The following GLDC variants were observed in gnomAD, a reference collection of about 807,000 sequenced individuals.
The protein encoded by GLDC is glycine dehydrogenase (decarboxylating), mitochondrial.
In GLDC, 104 loss-of-function variants were observed where a neutral mutation model predicts 121.3. The observed-to-expected ratio is 0.86, with a 90% CI of 0.73 to 1.01. The LOEUF is 1.01. Among genes scored for constraint, GLDC ranks in the 50% least tolerant of loss-of-function variants. The probability of loss-of-function intolerance (pLI) is 0.00; values close to 1 mark genes in which losing one functional copy is unlikely to be tolerated. For synonymous variants in GLDC, 546 were observed against 480.6 expected (o/e 1.14, Z -1.78); for missense variants, 1,429 against 1,306.6 (o/e 1.09, Z -1.44).
Position 6,565,402 on chromosome 9 carries a change from C to T in GLDC, c.1878G>A (p.Leu626=), listed in dbSNP as rs1360717642. The part of the protein sequence containing the change: ...NSGAQGEYAG[L]ATIRAYLNQK... The stretch of plus-strand genomic sequence containing the variant: ...GGTTTAAGTAGGCTCGGATAGTGGC[C>T]AGTCCAGCATATTCTCCCTGGGCTC... The change falls in exon 16 of 25, where the codon CTG becomes CTA. Residue 626 remains leucine, a synonymous_variant. Coordinates refer to ENST00000321612, the MANE Select transcript of GLDC (RefSeq NM_000170.3). 1.1e-5 allele frequency: 17 copies of T among 1,613,670 alleles called. No homozygotes were observed. Among genetic ancestry groups the T allele is most frequent in the Admixed American group, 3.3e-5 (2 of 59,994 alleles).
At chr9:6,537,664 C>G (rs577667564) in intron 22 of GLDC, among the ~76,000 whole-genome samples, 1 of 152,114 alleles carries the variant, frequency 6.6e-6, no homozygotes, top group South Asian at 2.1e-4. Context: ...GCCTGTAATC[C>G]CAGCTACTTA....
At chr9:6,597,165 G>A (rs1193798362) in intron 8 of GLDC, among the ~76,000 whole-genome samples, 1 of 152,200 alleles carries the variant, frequency 6.6e-6, no homozygotes, top group African/African-American at 2.4e-5. Flanking sequence ...TTCAGAACAG[G>A]CAAATCCAGG....
At chr9:6,551,007 C>T (rs1202533207) in intron 20 of GLDC, 93 bp from the exon 21 acceptor site, 4 of 838,604 alleles carry the variant, frequency 4.8e-6, no homozygotes, top group African/African-American at 1.7e-5. Context: ...TAAACTCCAC[C>T]CACAAAGGAA....
intron 22 of GLDC, among the ~76,000 whole-genome samples, chr9:6,536,692 C>T (rs1044599568): frequency 6.6e-6 from 1 of 152,108 alleles, no homozygotes; most frequent in South Asian, 2.1e-4. Flanking sequence ...TTTTCTTTCA[C>T]TTCGATTGTA....
chr9:6,632,891 G>A (rs1359133230), intron 2 of GLDC, among the ~76,000 whole-genome samples: 2 of 152,084 alleles, frequency 1.3e-5, no homozygotes, highest in Non-Finnish European at 2.9e-5. Context: ...ACTCAAACAG[G>A]CCTTACAAAT....
intron 10 of GLDC, 81 bp downstream of exon 10, chr9:6,592,770 T>G (rs958449293): frequency 1.4e-6 from 2 of 1,384,834 alleles, no homozygotes; most frequent in African/African-American, 2.9e-5. Flanking sequence ...TTTTATTTTT[T>G]AAAAACAAAG....
chr9:6,591,305 T>G (rs1232151781), intron 11 of GLDC, among the ~76,000 whole-genome samples: 3 of 152,204 alleles, frequency 2.0e-5, no homozygotes, highest in Non-Finnish European at 4.4e-5. Flanking sequence ...CCTGCTTATC[T>G]TCTTGGTAAG....
At chr9:6,554,858 G>A (rs914067399) in intron 18 of GLDC, 77 bp from the exon 19 acceptor site, 23 of 1,026,880 alleles carry the variant, frequency 2.2e-5, no homozygotes, top group South Asian at 9.5e-5. Context: ...ATGGCTGGCC[G>A]GTGCTGCCTT....
At chr9:6,565,014 G>C (rs1817827011) in intron 16 of GLDC, among the ~76,000 whole-genome samples, 1 of 152,334 alleles carries the variant, frequency 6.6e-6, no homozygotes, top group African/African-American at 2.4e-5. Flanking sequence ...TCCAGGCCCA[G>C]GGCCGGGGCT....
chr9:6,545,474 A>G (rs975521519), intron 21 of GLDC, among the ~76,000 whole-genome samples: 2 of 152,192 alleles, frequency 1.3e-5, no homozygotes, highest in African/African-American at 2.4e-5. Context: ...TGGAGCTTGC[A>G]GGGCTGAAGT....
chr9:6,622,399 G>T (rs988527945), intron 2 of GLDC, among the ~76,000 whole-genome samples: 20 of 149,586 alleles, frequency 1.3e-4, no homozygotes, highest in South Asian at 4.3e-4. Flanking sequence ...GCGCCGCCAC[G>T]CCTGACTGGT....
Position 6,559,814 on chromosome 9 carries a change from C to CA in GLDC, c.1927-1131dup, listed in dbSNP as rs957545158. ...TGGGCAACAGAGCAAGACTCCGTCT[C>CA]AAAAAAAAAAAATAGCTAAAAATAA... On this transcript the variant is annotated intron_variant, in intron 16 of 24. Coordinates refer to ENST00000321612, the MANE Select transcript of GLDC (RefSeq NM_000170.3). 3.9e-3 allele frequency among the ~76,000 whole-genome samples: 549 copies of CA among 140,428 alleles called. 5 individuals are homozygous for CA. The highest frequency in any genetic ancestry group is 0.013 in the South Asian group (56 of 4,424). 92.1% of individuals were successfully genotyped at this position (140,428 alleles called of 152,430 possible).
At chr9:6,550,941 A>T (rs1817501008) in intron 20 of GLDC, 27 bp from the exon 21 acceptor site, 2 of 1,442,378 alleles carry the variant, frequency 1.4e-6, no homozygotes, top group African/African-American at 2.8e-5. Context: ...AAGAGCCATT[A>T]GCCATTGAAC....
chr9:6,580,748 C>T (rs1486191316), intron 15 of GLDC, among the ~76,000 whole-genome samples: 1 of 152,214 alleles, frequency 6.6e-6, no homozygotes, highest in East Asian at 1.9e-4. Context: ...CCATCTGCTC[C>T]ATAACACTTC....
intron 1 of GLDC, 25 bp from the exon 2 acceptor site, chr9:6,644,717 G>T (rs909714678): frequency 2.6e-6 from 4 of 1,530,078 alleles, no homozygotes; most frequent in Non-Finnish European, 3.6e-6. Context: ...CAAGGCAGAG[G>T]AAAGTGCCTC....
intron 17 of GLDC, among the ~76,000 whole-genome samples, chr9:6,557,430 C>T (rs1817658214): frequency 6.6e-6 from 1 of 152,034 alleles, no homozygotes; most frequent in African/African-American, 2.4e-5. Context: ...CCTGTCTCTA[C>T]TAAAAATACA....
Position 6,556,290 on chromosome 9 carries a change from T to C in GLDC, c.2065A>G (p.Lys689Glu). The part of the protein sequence containing the change: ...VHLKAMVDKH[K>E]ENLAAIMITY... ...ATCATGATAGCTGCTAGGTTCTCCT[T>C]GTGCTTATCCACCTGTGAAAGAAAA... The change falls in exon 18 of 25, where the codon AAG becomes GAG. Residue 689 changes from lysine (K) to glutamate (E), a missense_variant. Lys to Glu is a moderately conservative substitution (Grantham distance 56, BLOSUM62 1). Transcript: ENST00000321612. 1 of 1,613,690 alleles carries C rather than the reference T, an allele frequency of 6.2e-7. No individual in the cohort carries two copies. The highest frequency in any genetic ancestry group is 1.1e-5 in the South Asian group (1 of 91,060).
chr9:6,556,158 C>G lies in GLDC; in HGVS notation c.2197G>C (p.Ala733Pro). The G allele has an allele frequency of 6.2e-7, 1 of 1,612,014 alleles. No individual in the cohort carries two copies. Among genetic ancestry groups the G allele is most frequent in the Non-Finnish European group, 8.5e-7 (1 of 1,178,916 alleles). ...CGGGCCTCTTCAGTTCCCACCTGAG[C>G]ATTCATATTTGCCCCGTCTAGGTAG... ...QVYLDGANMN[A>P]QVGICRPGDF... is the part of the protein sequence containing the mutation. The change falls in exon 18 of 25, where the codon GCT becomes CCT. Residue 733 changes from alanine to proline, a missense_variant. By Grantham distance (27) the Ala-to-Pro change is conservative (BLOSUM62 -1). Transcript: ENST00000321612.
intron 2 of GLDC, among the ~76,000 whole-genome samples, chr9:6,624,619 A>T (rs987641522): frequency 7.9e-5 from 12 of 152,164 alleles, no homozygotes; most frequent in African/African-American, 2.9e-4. Flanking sequence ...GCCATAGGAA[A>T]CTAATTAAAA....
Sources: allele counts gnomAD v4.1 joint callset (sites outside exome capture counted in the v4.1 genomes callset), GRCh38; gene constraint gnomAD v4.1.1; transcripts MANE v1.5; gene names NCBI Gene and HGNC (gene_info 2026-07-23, HGNC 2026-07-21).